The following NELL2 variants were observed in gnomAD, a reference collection of about 807,000 sequenced individuals.
NELL2 encodes protein kinase C-binding protein NELL2.
Under a neutral mutation model 109.6 loss-of-function variants are expected in NELL2, and 41 were observed. The ratio of observed to expected loss-of-function variants is 0.37; its 90% confidence interval spans 0.29 to 0.49. The LOEUF (loss-of-function observed/expected upper bound fraction) is 0.49. Among genes scored for constraint, NELL2 ranks in the 20% least tolerant of loss-of-function variants. The pLI, the probability that NELL2 is intolerant of heterozygous loss-of-function variation, is 0.98. For missense variants in NELL2, 900 were observed against 1,008.3 expected (o/e 0.89, Z 1.45); for synonymous variants, 355 against 344.7 (o/e 1.03, Z -0.33).
upstream of NELL2, among the ~76,000 whole-genome samples, chr12:44,879,795 T>C (rs1715396540): frequency 6.6e-6 from 1 of 152,002 alleles, no homozygotes; most frequent in South Asian, 2.1e-4. Flanking sequence ...CTTTGCATGT[T>C]GGCCGAAGCT....
intron 12 of NELL2, among the ~76,000 whole-genome samples, chr12:44,697,285 C>T (rs949898759): frequency 8.5e-5 from 13 of 152,182 alleles, no homozygotes; most frequent in Admixed American, 6.5e-4. Context: ...CCTGACCGGG[C>T]AGCCCAGGGG....
intron 13 of NELL2, among the ~76,000 whole-genome samples, chr12:44,631,070 C>T (rs1946438747): frequency 6.6e-6 from 1 of 151,908 alleles, no homozygotes; most frequent in Admixed American, 6.6e-5. Flanking sequence ...GAATTTCCTA[C>T]CTTCAGAACT....
chr12:44,712,407 T>G (rs900036942), intron 10 of NELL2, among the ~76,000 whole-genome samples: 1 of 152,016 alleles, frequency 6.6e-6, no homozygotes, highest in Non-Finnish European at 1.5e-5. Flanking sequence ...CTTCTTTTGG[T>G]TTAGTAGTAA....
intron 15 of NELL2, among the ~76,000 whole-genome samples, chr12:44,591,553 T>G (rs1219203889): frequency 1.1e-4 from 17 of 152,116 alleles, no homozygotes; most frequent in Non-Finnish European, 2.4e-4. Context: ...CACCCATACA[T>G]GGAACCTAAA....
At chr12:44,743,674 A>G (rs540711212) in intron 9 of NELL2, among the ~76,000 whole-genome samples, 306 of 152,340 alleles carry the variant, frequency 2.0e-3, no homozygotes, top group African/African-American at 6.7e-3. Flanking sequence ...AACAGACTTT[A>G]AACCAACAAA....
At chr12:44,876,328 G>A (rs530626524), upstream of NELL2, 4,604 of 1,187,658 alleles carry the variant, frequency 3.9e-3, 14 homozygotes, top group Non-Finnish European at 4.5e-3. Flanking sequence ...AGAAAGCTCC[G>A]GGAGACGCGC....
chr12:44,513,789 C>T (rs928564866), intron 19 of NELL2, among the ~76,000 whole-genome samples: 3 of 151,344 alleles, frequency 2.0e-5, no homozygotes, highest in African/African-American at 7.3e-5. Context: ...ATAATTAAAC[C>T]ATCTAAGCGA....
intron 1 of NELL2, among the ~76,000 whole-genome samples, chr12:44,887,987 T>C (rs1289812935): frequency 6.6e-6 from 1 of 152,006 alleles, no homozygotes; most frequent in Non-Finnish European, 1.5e-5. Flanking sequence ...AAGCCTTTAA[T>C]CCATTTTGAT....
intron 12 of NELL2, 63 bp downstream of exon 12, chr12:44,703,663 A>G (rs1480602144): frequency 8.8e-6 from 14 of 1,584,992 alleles, no homozygotes; most frequent in Non-Finnish European, 1.2e-5. Context: ...AACTTAATAA[A>G]TTTTGCATGC....
Position 44,520,089 on chromosome 12 carries a change from A to G in NELL2, c.2316T>C (p.Thr772=). 1 of 1,614,120 alleles carries G rather than the reference A, an allele frequency of 6.2e-7. No individual in the cohort carries two copies. The highest frequency in any genetic ancestry group is 8.5e-7 in the Non-Finnish European group (1 of 1,180,024). Residue 772 remains threonine, a synonymous_variant, in exon 19 of 20, where the codon ACT becomes ACC. Coordinates refer to ENST00000429094, the MANE Select transcript of NELL2 (RefSeq NM_001145108.2). ...ADTIRNDITK[T]CLDEMNVVRF... is the part of the protein sequence containing the mutation. ...GAACCACATTCATTTCGTCCAGGCA[A>G]GTCTTGGTGATGTCATTGCGGATGG...
At chr12:44,876,734 G>T (rs368646197), upstream of NELL2, 31 of 1,531,882 alleles carry the variant, frequency 2.0e-5, no homozygotes, top group African/African-American at 3.9e-4. Flanking sequence ...ATGTGCACTC[G>T]TGCACTGGGC....
chr12:44,538,642 C>G (rs1204431684), intron 15 of NELL2, among the ~76,000 whole-genome samples: 3 of 152,124 alleles, frequency 2.0e-5, no homozygotes, highest in African/African-American at 7.2e-5. Context: ...AGACTAGAGG[C>G]CATCTCACCA....
intron 9 of NELL2, among the ~76,000 whole-genome samples, chr12:44,744,862 T>C (rs1298044020): frequency 6.6e-6 from 1 of 152,198 alleles, no homozygotes; most frequent in African/African-American, 2.4e-5. Context: ...ACAGCTGAAT[T>C]CTACCAGAGA....
intron 15 of NELL2, among the ~76,000 whole-genome samples, chr12:44,573,026 G>A (rs1045356028): frequency 1.3e-5 from 2 of 152,196 alleles, no homozygotes. Flanking sequence ...TGACCCAAAG[G>A]CTGAGGTGAA....
intron 1 of NELL2, among the ~76,000 whole-genome samples, chr12:44,907,164 C>T (rs150117299): frequency 6.6e-6 from 1 of 152,192 alleles, no homozygotes; most frequent in Non-Finnish European, 1.5e-5. Context: ...CCTCCCCAGC[C>T]CTGCAGAACT....
At chr12:44,783,203 A>G (rs979222280) in intron 3 of NELL2, among the ~76,000 whole-genome samples, 2 of 151,676 alleles carry the variant, frequency 1.3e-5, no homozygotes, top group Admixed American at 1.3e-4. Context: ...TTAAAATTAA[A>G]TATCAAAAAT....
At chr12:44,675,893 C>T (rs1040162301) in intron 12 of NELL2, among the ~76,000 whole-genome samples, 6 of 152,082 alleles carry the variant, frequency 3.9e-5, no homozygotes, top group African/African-American at 1.4e-4. Flanking sequence ...TCTATGGACT[C>T]AACGTCCAGA....
intron 9 of NELL2, among the ~76,000 whole-genome samples, chr12:44,773,779 G>C (rs1262653986): frequency 3.3e-5 from 5 of 152,150 alleles, no homozygotes; most frequent in Admixed American, 3.3e-4. Context: ...TCAATGTAAA[G>C]CCTAATAGAA....
upstream of NELL2, among the ~76,000 whole-genome samples, chr12:44,917,390 G>A (rs1049531450): frequency 1.3e-5 from 2 of 152,200 alleles, no homozygotes; most frequent in Admixed American, 1.3e-4. Context: ...CTAAGTCTTA[G>A]TTTCCATATA....
Sources: allele counts gnomAD v4.1 joint callset (sites outside exome capture counted in the v4.1 genomes callset), GRCh38; gene constraint gnomAD v4.1.1; transcripts MANE v1.5; gene names NCBI Gene and HGNC (gene_info 2026-07-23, HGNC 2026-07-21).